The following ANKS1B variants were observed in gnomAD, a reference collection of about 807,000 sequenced individuals.
The protein encoded by ANKS1B is ankyrin repeat and sterile alpha motif domain containing 1B.
Under a neutral mutation model 148.3 loss-of-function variants are expected in ANKS1B, and 36 were observed. The observed-to-expected ratio is 0.24, with a 90% CI of 0.19 to 0.32. The LOEUF is 0.32. ANKS1B is among the 10% of genes least tolerant of loss of function. The probability of loss-of-function intolerance (pLI) is 1.00; values close to 1 mark genes in which losing one functional copy is unlikely to be tolerated. For synonymous variants in ANKS1B, 542 were observed against 560.8 expected, an observed-to-expected ratio of 0.97 and a Z score of 0.47; for missense variants, 1,157 against 1,542.6, an observed-to-expected ratio of 0.75 and a Z score of 4.19.
At chr12:98,809,323 T>A (rs1479204138) in intron 19 of ANKS1B, among the ~76,000 whole-genome samples, 1 of 152,232 alleles carries the variant, frequency 6.6e-6, no homozygotes, top group East Asian at 1.9e-4. Flanking sequence ...TTGTCTCCAA[T>A]AGCTCTCCTC....
chr12:99,024,109 G>A (rs7301050), intron 17 of ANKS1B, among the ~76,000 whole-genome samples: 27,053 of 151,738 alleles, frequency 0.18, 2,573 homozygotes, highest in Non-Finnish European at 0.21. Flanking sequence ...TTGGTTGTTT[G>A]TTTAATCATT....
In ANKS1B at chr12:99,772,759, A is replaced by C. The variant is rs1601838126; in HGVS notation, c.1128+163T>G. ...AAAGCACTCCTTCCCCTACACATGC[A>C]CTGCGAGTAAAACCCCAAAGAACGT... On this transcript the variant is annotated intron_variant, in intron 8 of 26. Transcript: ENST00000683438. 7 of 600,496 alleles carry C rather than the reference A, an allele frequency of 1.2e-5. No homozygotes were observed. In the East Asian group the frequency reaches 1.9e-4, roughly 16 times the overall value. 37.2% of individuals were successfully genotyped at this position (600,496 alleles called of 1,614,324 possible).
chr12:99,649,737 C>T (rs759271154), intron 9 of ANKS1B: 8 of 213,236 alleles, frequency 3.8e-5, no homozygotes, highest in Non-Finnish European at 6.6e-5. Flanking sequence ...CTGGCCTCTC[C>T]CTAGAGAGCA....
At chr12:99,122,988 TAA>T (rs139209801) in intron 15 of ANKS1B, among the ~76,000 whole-genome samples, 1,909 of 42,178 alleles carry the variant, frequency 0.045, 75 homozygotes, top group African/African-American at 0.14. Context: ...TCAGTAAAAT[TAA>T]AAAAAAAATA....
At chr12:98,767,194 G>A (rs2098495156) in intron 25 of ANKS1B, among the ~76,000 whole-genome samples, 2 of 152,146 alleles carry the variant, frequency 1.3e-5, no homozygotes, top group African/African-American at 4.8e-5. Flanking sequence ...TGGAAGTGGT[G>A]TAGGTATCAC....
intron 1 of ANKS1B, among the ~76,000 whole-genome samples, chr12:99,983,707 A>C (rs117116521): frequency 0.014 from 2,189 of 152,310 alleles, 18 homozygotes; most frequent in South Asian, 0.043. Context: ...GGGTAATTGC[A>C]TGCACGCAAG....
intron 10 of ANKS1B, among the ~76,000 whole-genome samples, chr12:99,444,095 C>T (rs561883132): frequency 1.8e-4 from 27 of 151,988 alleles, no homozygotes; most frequent in African/African-American, 6.0e-4. Context: ...CTTAAGACTG[C>T]TACTACTATA....
intron 6 of ANKS1B, among the ~76,000 whole-genome samples, chr12:99,778,801 A>G (rs2030164914): frequency 6.6e-6 from 1 of 152,208 alleles, no homozygotes; most frequent in Non-Finnish European, 1.5e-5. Context: ...GGCCACATAT[A>G]GTGCATCTAT....
At position 99,154,598 on chromosome 12, in the gene ANKS1B, G is replaced by A. The variant is rs950304779; in HGVS notation, c.2420-203C>T. 2.7e-6 allele frequency: 4 copies of A among 1,477,236 alleles called. No individual in the cohort carries two copies. The African/African-American group carries it at 5.6e-5, about 21-fold the overall frequency. 91.5% of individuals were successfully genotyped at this position (1,477,236 alleles called of 1,614,324 possible). On this transcript the variant is annotated intron_variant, in intron 14 of 26. Transcript: ENST00000683438. ...AAACATAGTTTGCCAGGCAGGCTGTGGAGTATGACTTGATCCTAGCTCCAC... is the reference window on the plus strand; with the variant it reads ...AAACATAGTTTGCCAGGCAGGCTGTAGAGTATGACTTGATCCTAGCTCCAC...
At chr12:99,856,855 A>G (rs2089200075) in intron 1 of ANKS1B, among the ~76,000 whole-genome samples, 1 of 152,204 alleles carries the variant, frequency 6.6e-6, no homozygotes, top group Admixed American at 6.5e-5. Flanking sequence ...TGAAACCCTC[A>G]ACAAAATTGG....
At chr12:99,644,864 AGG>A (rs1279911833) in intron 9 of ANKS1B, among the ~76,000 whole-genome samples, 1 of 152,146 alleles carries the variant, frequency 6.6e-6, no homozygotes, top group Non-Finnish European at 1.5e-5. Flanking sequence ...CAGCTTCCAG[AGG>A]CCTCTTGCAT....
At position 99,938,167 on chromosome 12, in the gene ANKS1B, GTC is replaced by G. The variant is rs143141310; in HGVS notation, c.134+45935_134+45936del. Among the ~76,000 whole-genome samples, 247 of 152,300 alleles carry G rather than the reference GTC, an allele frequency of 1.6e-3. 8 individuals carry two copies. In the East Asian group the frequency reaches 0.04, roughly 25 times the overall value. ...AACTTGTCATACCCATTTTGTTGGAGTCTCTGTCTTTTACCGGCTTTAAGGAA... is the reference window on the plus strand; with the variant it reads ...AACTTGTCATACCCATTTTGTTGGAGTCTGTCTTTTACCGGCTTTAAGGAA... On this transcript the variant is annotated intron_variant, in intron 1 of 26. Transcript: ENST00000683438.
chr12:99,651,008 T>C (rs2098415759), intron 9 of ANKS1B, among the ~76,000 whole-genome samples: 1 of 152,164 alleles, frequency 6.6e-6, no homozygotes. Context: ...AGATATTTGA[T>C]ACATGTTTGC....
chr12:99,831,440 T>C (rs2083970885), intron 1 of ANKS1B, among the ~76,000 whole-genome samples: 1 of 148,410 alleles, frequency 6.7e-6, no homozygotes, highest in South Asian at 2.1e-4. Context: ...AAATTCTCCT[T>C]AAGAGGAATT....
rs1358559114 is a variant in ANKS1B at position 98,745,375 on chromosome 12, C to CTCTTT, written c.*363_*364insAAAGA. 8,016 of 910,794 alleles carry CTCTTT rather than the reference C, an allele frequency of 8.8e-3. 30 individuals are homozygous for CTCTTT. Among genetic ancestry groups the CTCTTT allele is most frequent in the East Asian group, 0.048 (330 of 6,870 alleles). The allele number at this position is 910,794 out of a possible 1,614,324, so 56.4% of individuals were successfully genotyped here. ...TAGGCAGTATTAGAGATCCCCTTTA[C>CTCTTT]TTTTTTTTTTTTTTTTTTTTTTTTA... On this transcript the variant is annotated 3_prime_UTR_variant, in exon 27 of 27. Transcript: ENST00000683438.
At chr12:99,110,273 G>A (rs756969275) in intron 15 of ANKS1B, among the ~76,000 whole-genome samples, 1 of 152,150 alleles carries the variant, frequency 6.6e-6, no homozygotes, top group Non-Finnish European at 1.5e-5. Flanking sequence ...CCTTTACTGA[G>A]TGGTGCTATC....
intron 1 of ANKS1B, among the ~76,000 whole-genome samples, chr12:99,870,722 T>C (rs2091407430): frequency 6.6e-6 from 1 of 152,254 alleles, no homozygotes; most frequent in South Asian, 2.1e-4. Context: ...ATGTCTTCTT[T>C]TGAGAATTGT....
chr12:99,166,028 T>C (rs2077157420), intron 14 of ANKS1B, among the ~76,000 whole-genome samples: 1 of 151,718 alleles, frequency 6.6e-6, no homozygotes, highest in Non-Finnish European at 1.5e-5. Flanking sequence ...AAAAACCATA[T>C]AATCCTCTCC....
chr12:99,688,546 GA>G (rs2098662105), intron 8 of ANKS1B, among the ~76,000 whole-genome samples: 1 of 152,012 alleles, frequency 6.6e-6, no homozygotes, highest in Admixed American at 6.6e-5. Context: ...TCAATATAAA[GA>G]AAAAAGGCAC....
Sources: gnomAD v4.1 joint callset for allele counts (sites outside exome capture counted in the v4.1 genomes callset) on GRCh38, gnomAD v4.1.1 for gene constraint, MANE v1.5 for transcripts, NCBI Gene and HGNC (gene_info 2026-07-23, HGNC 2026-07-21) for gene names.